Variants in PRRC2C observed in about 807,000 individuals in gnomAD.
PRRC2C encodes the protein protein PRRC2C.
A neutral mutation model predicts 317.2 loss-of-function variants in PRRC2C; 72 were observed. The observed-to-expected ratio is 0.23, with a 90% confidence interval of 0.19 to 0.28. The LOEUF (loss-of-function observed/expected upper bound fraction) is 0.28, where lower values mean the gene tolerates loss of function less well. Among genes scored for constraint, PRRC2C ranks in the 10% least tolerant of loss-of-function variants. The pLI is 1.00. For missense variants in PRRC2C, 3,074 were observed against 3,459.7 expected, an observed-to-expected ratio of 0.89 and a Z score of 2.80; for synonymous variants, 1,296 against 1,205.9, an observed-to-expected ratio of 1.07 and a Z score of -1.55.
In PRRC2C at chr1:171,541,939, A is replaced by G. The variant is rs1277598878; in HGVS notation, c.4473A>G (p.Ser1491=). ...KTPDLSNQNS[S]DQANEEWETA... is the part of the protein sequence containing the mutation. ...CAGATTTATCTAATCAGAACTCTTCAGATCAGGCAAATGAAGAATGGGAAA... is the reference window on the plus strand; with the variant it reads ...CAGATTTATCTAATCAGAACTCTTCGGATCAGGCAAATGAAGAATGGGAAA... Residue 1491 remains serine, a synonymous_variant, in exon 16 of 35, where the codon TCA becomes TCG. Transcript: ENST00000647382. This position sits in a 1 kb window ranked among gnomAD's most constrained non-coding sequence, Gnocchi z 4.1. 3 of 1,613,812 alleles carry G rather than the reference A, an allele frequency of 1.9e-6. No individual in the cohort carries two copies. The highest frequency in any genetic ancestry group is 1.7e-5 in the Admixed American group (1 of 60,000).
intron 11 of PRRC2C, 97 bp downstream of exon 11, chr1:171,527,941 C>G: frequency 1.0e-6 from 1 of 958,246 alleles, no homozygotes; most frequent in Non-Finnish European, 1.6e-6. Context: ...TTTTATGAAA[C>G]AGTTACTAAC....
intron 25 of PRRC2C, among the ~76,000 whole-genome samples, 195 bp downstream of exon 25, chr1:171,575,323 CTCT>C (rs1200446125): frequency 6.6e-6 from 1 of 152,036 alleles, no homozygotes; most frequent in Non-Finnish European, 1.5e-5. Context: ...TGTCATTTTC[CTCT>C]AAATTTTTCT....
chr1:171,512,225 T>TA, intron 2 of PRRC2C, 25 bp downstream of exon 2: 1 of 1,443,528 alleles, frequency 6.9e-7, no homozygotes, highest in Non-Finnish European at 9.5e-7. Context: ...GTGACACTTA[T>TA]GTTTTTCATG....
rs34060083 is a variant in PRRC2C, at chr1:171,506,687, TTG to T, written c.-57-5315_-57-5314del. ...GCTTCAGATTCACTATTTTTTTTCT[TTG>T]TGTGTGTGTGTGTGTGTGTGTGTGT... On this transcript the variant is annotated intron_variant, in intron 1 of 34. Transcript: ENST00000647382. Among the ~76,000 whole-genome samples, 969 of 136,598 alleles carry T rather than the reference TTG, an allele frequency of 7.1e-3. 19 individuals carry two copies. The highest frequency in any genetic ancestry group is 0.018 in the African/African-American group (634 of 36,002). The allele number at this position is 136,598 out of a possible 152,430, so 89.6% of individuals were successfully genotyped here. A position where few individuals can be genotyped will look rare whatever the true frequency, so the allele number is the denominator to read the frequency against.
intron 16 of PRRC2C, among the ~76,000 whole-genome samples, chr1:171,543,678 A>C (rs1329440537): frequency 1.3e-5 from 2 of 152,224 alleles, no homozygotes; most frequent in African/African-American, 4.8e-5. Context: ...CCTTAGTTTT[A>C]CATACTTAGC....
chr1:171,528,706 A>C (rs1292387011), intron 11 of PRRC2C, among the ~76,000 whole-genome samples: 1 of 152,188 alleles, frequency 6.6e-6, no homozygotes, highest in Non-Finnish European at 1.5e-5. Flanking sequence ...TATTATTATC[A>C]GAGTCAGTGA....
intron 34 of PRRC2C, chr1:171,591,255 T>C: frequency 1.0e-6 from 1 of 995,990 alleles, no homozygotes; most frequent in African/African-American, 1.7e-5. Context: ...AGACCACATA[T>C]TGATAACTAG....
Position 171,558,049 on chromosome 1 carries a change from C to T in PRRC2C, c.5937C>T (p.Ser1979=). 6.2e-7 allele frequency: 1 copy of T among 1,613,992 alleles called. No individual in the cohort carries two copies. Among genetic ancestry groups the T allele is most frequent in the South Asian group, 1.1e-5 (1 of 91,088 alleles). Residue 1979 remains serine (S), a synonymous_variant, in exon 19 of 35, where the codon TCC becomes TCT. Coordinates refer to ENST00000647382, the MANE Select transcript of PRRC2C (RefSeq NM_001387844.1). ...CAGATTATGTAGCCTCAGGAAAATC[C>T]ATCCAGACCCCACAGTCACATGGCA... ...NGTDYVASGK[S]IQTPQSHGTL...
Position 171,557,810 on chromosome 1 carries a change from C to G in PRRC2C, c.5698C>G (p.Pro1900Ala). 1.3e-6 allele frequency: 2 copies of G among 1,550,284 alleles called. No individual in the cohort carries two copies. Among genetic ancestry groups the G allele is most frequent in the Non-Finnish European group, 8.7e-7 (1 of 1,146,150 alleles). Residue 1900 changes from proline (P) to alanine (A), a missense_variant, in exon 19 of 35, where the codon CCA becomes GCA. Around this residue, in one of 11 missense-constraint regions of PRRC2C, gnomAD observed 640 missense variants for 676.1 expected, o/e 0.95. Transcript: ENST00000647382. Reference protein sequence around the residue: ...ITAPTIPASAPTASVPLAPAS... With the variant: ...ITAPTIPASAATASVPLAPAS... ...AGCACCAACTATCCCAGCCTCAGCC[C>G]CAACTGCCTCAGTCCCACTTGCCCC... is the stretch of plus-strand genomic sequence containing the variant.
intron 22 of PRRC2C, 56 bp downstream of exon 22, chr1:171,566,899 AC>A: frequency 1.3e-6 from 2 of 1,533,066 alleles, no homozygotes; most frequent in Non-Finnish European, 1.7e-6. Flanking sequence ...TCTAAAATGA[AC>A]GAGAAGAACA....
intron 9 of PRRC2C, 84 bp from the exon 10 acceptor site, chr1:171,524,737 A>G: frequency 4.4e-6 from 6 of 1,352,470 alleles, no homozygotes; most frequent in Non-Finnish European, 5.9e-6. Flanking sequence ...ACCATACAGA[A>G]ATAATTTTTT....
At chr1:171,588,587 TA>T in intron 33 of PRRC2C, 82 bp downstream of exon 33, 1 of 1,420,082 alleles carries the variant, frequency 7.0e-7, no homozygotes, top group Non-Finnish European at 9.6e-7. Context: ...TGCCTTATGT[TA>T]ACCAGTTAAG....
rs781550160 is a variant in PRRC2C at position 171,545,617 on chromosome 1, C to A, written c.4902C>A (p.Pro1634=). The A allele has an allele frequency of 1.9e-6, 3 of 1,612,794 alleles. No homozygotes were observed. In the Admixed American group the frequency reaches 5.0e-5, roughly 27 times the overall value. The change falls in exon 17 of 35, where the codon CCC becomes CCA. Residue 1634 remains proline (P), a synonymous_variant. Transcript: ENST00000647382. The part of the protein sequence containing the change: ...KDSTGKKRED[P]KPGPKKPKEK... ...CTACTGGGAAAAAAAGAGAAGACCC[C>A]AAACCAGGCCCTAAAAAACCAAAAG... is the stretch of plus-strand genomic sequence containing the variant.
intron 18 of PRRC2C, among the ~76,000 whole-genome samples, chr1:171,554,141 T>C (rs940676038): frequency 2.6e-5 from 4 of 152,324 alleles, no homozygotes; most frequent in African/African-American, 9.6e-5. Context: ...CTTAAATGAA[T>C]ATATATGCTC....
intron 6 of PRRC2C, 67 bp from the exon 7 acceptor site, chr1:171,522,110 A>G (rs1222905499): frequency 4.3e-6 from 3 of 692,116 alleles, no homozygotes; most frequent in Non-Finnish European, 6.8e-6. Flanking sequence ...AGATTTATAT[A>G]TATATATAAT....
At position 171,557,423 on chromosome 1, in the gene PRRC2C, C is replaced by T. The variant is rs1557996164; in HGVS notation, c.5311C>T (p.Pro1771Ser). ...TTCAGTTCCAGCCTCAACCTCAGCTCCACTTCCGGCAACCTTAACTCCAGT... is the reference window on the plus strand; with the variant it reads ...TTCAGTTCCAGCCTCAACCTCAGCTTCACTTCCGGCAACCTTAACTCCAGT... Reference protein sequence around the residue: ...SASVPASTSAPLPATLTPVPA... With the variant: ...SASVPASTSASLPATLTPVPA... Residue 1771 changes from proline (P) to serine (S), a missense_variant, in exon 19 of 35, where the codon CCA becomes TCA. By Grantham distance (74) the Pro-to-Ser change is moderately conservative (BLOSUM62 -1). Transcript: ENST00000647382. The T allele has an allele frequency of 6.5e-7, 1 of 1,547,186 alleles. No homozygotes were observed. The highest frequency in any genetic ancestry group is 8.7e-7 in the Non-Finnish European group (1 of 1,143,852).
Position 171,541,151 on chromosome 1 carries a change from A to G in PRRC2C, c.3685A>G (p.Arg1229Gly), listed in dbSNP as rs1677870387. 2 of 1,613,546 alleles carry G rather than the reference A, an allele frequency of 1.2e-6. No individual in the cohort carries two copies. Among genetic ancestry groups the G allele is most frequent in the African/African-American group, 1.3e-5 (1 of 74,900 alleles). The change falls in exon 16 of 35, where the codon AGA (arginine) becomes GGA (glycine). Residue 1229 changes from arginine (R) to glycine (G), a missense_variant. Physicochemically the swap from Arg to Gly is moderately radical, Grantham distance 125. Coordinates refer to ENST00000647382, the MANE Select transcript of PRRC2C (RefSeq NM_001387844.1). The surrounding 1 kb of genome is among the most constrained non-coding windows in gnomAD (Gnocchi z 4.1). Reference sequence around the variant, plus strand: ...TCCTCAGTATAGAGACAATAAGCCAAGAGCAGAGCATATACCCTCAGGGCC... The same window carrying G: ...TCCTCAGTATAGAGACAATAAGCCAGGAGCAGAGCATATACCCTCAGGGCC... ...DYPQYRDNKPRAEHIPSGPLR... is the reference protein window; with the variant it reads ...DYPQYRDNKPGAEHIPSGPLR...
chr1:171,593,253 TAA>T lies in PRRC2C; in HGVS notation c.*1408_*1409del, dbSNP rs1651755792. The T allele has an allele frequency of 6.8e-6, 1 of 147,598 alleles. No individual in the cohort carries two copies. Among genetic ancestry groups the T allele is most frequent in the Non-Finnish European group, 1.5e-5 (1 of 66,984 alleles). The allele number at this position is 147,598 out of a possible 1,614,324, so 9.1% of individuals were successfully genotyped here. On this transcript the variant is annotated 3_prime_UTR_variant, in exon 35 of 35. Coordinates refer to ENST00000647382, the MANE Select transcript of PRRC2C (RefSeq NM_001387844.1). ...ACATACTGCTATTGGTCTTTTTATA[TAA>T]ATATATATATATATATACATATATA... is the stretch of plus-strand genomic sequence containing the variant.
chr1:171,540,131 A>G lies in PRRC2C; in HGVS notation c.2665A>G (p.Thr889Ala). ...RSVEDVRPHHTDANNQSACFE... is the reference protein window; with the variant it reads ...RSVEDVRPHHADANNQSACFE... Reference sequence around the variant, plus strand: ...TGTGGAAGATGTTAGACCTCACCATACTGATGCAAATAATCAGTCTGCTTG... The same window carrying G: ...TGTGGAAGATGTTAGACCTCACCATGCTGATGCAAATAATCAGTCTGCTTG... Residue 889 changes from threonine (T) to alanine (A), a missense_variant, in exon 16 of 35, where the codon ACT becomes GCT. Thr to Ala is a moderately conservative substitution (Grantham distance 58). Coordinates refer to ENST00000647382, the MANE Select transcript of PRRC2C (RefSeq NM_001387844.1). 6.2e-7 allele frequency: 1 copy of G among 1,613,956 alleles called. No homozygotes were observed. The highest frequency in any genetic ancestry group is 1.1e-5 in the South Asian group (1 of 91,086).
Sources: allele counts gnomAD v4.1 joint callset (sites outside exome capture counted in the v4.1 genomes callset), GRCh38; gene constraint gnomAD v4.1.1; regional missense constraint gnomAD v4.1.1; non-coding constraint Gnocchi (gnomAD v3.1); transcripts MANE v1.5; gene names NCBI Gene and HGNC (gene_info 2026-07-23, HGNC 2026-07-21).